CNNM2: variants seen among roughly 807,000 people sequenced by gnomAD.
CNNM2 encodes the protein cyclin and CBS domain divalent metal cation transport mediator 2.
In CNNM2, 12 loss-of-function variants were observed where a neutral mutation model predicts 66.9. That is an observed-to-expected ratio of 0.18 (90% CI 0.11 to 0.29). The LOEUF (loss-of-function observed/expected upper bound fraction) is 0.29, where lower values mean the gene tolerates loss of function less well. Among genes scored for constraint, CNNM2 ranks in the 10% least tolerant of loss-of-function variants. CNNM2 has a pLI of 1.00. For missense variants in CNNM2, 705 were observed against 1,167.7 expected (o/e 0.60, Z 5.77); for synonymous variants, 557 against 501.8 (o/e 1.11, Z -1.47).
intron 1 of CNNM2, among the ~76,000 whole-genome samples, chr10:103,002,278 A>G (rs996177531): frequency 2.0e-5 from 3 of 152,164 alleles, no homozygotes; most frequent in Non-Finnish European, 4.4e-5. Flanking sequence ...TAATAGTAAA[A>G]AGACAATCCA....
In CNNM2 at chr10:102,931,536, T is replaced by C. The variant is rs1257346517; in HGVS notation, c.1621+11435T>C. On this transcript the variant is annotated intron_variant, in intron 1 of 7. Transcript: ENST00000369878. ...CCACGGCCGGCTAATTTTGTATTTT[T>C]AGTAGAGACGGGGTTTCTCCATGTT... 6.6e-6 allele frequency among the ~76,000 whole-genome samples: 1 copy of C among 152,096 alleles called. No homozygotes were observed. The highest frequency in any genetic ancestry group is 1.5e-5 in the Non-Finnish European group (1 of 68,024).
At chr10:103,003,256 C>T (rs553602250) in intron 1 of CNNM2, among the ~76,000 whole-genome samples, 4 of 151,784 alleles carry the variant, frequency 2.6e-5, no homozygotes, top group East Asian at 3.9e-4. Flanking sequence ...TGGGATTACA[C>T]GCACGAGCCA....
intron 1 of CNNM2, among the ~76,000 whole-genome samples, chr10:102,989,867 G>A (rs1413326759): frequency 6.6e-6 from 1 of 151,800 alleles, no homozygotes; most frequent in Admixed American, 6.6e-5. Context: ...AGGGCTTCTA[G>A]TTCTTTAAAG....
intron 1 of CNNM2, among the ~76,000 whole-genome samples, chr10:103,005,241 T>C (rs2064202720): frequency 1.3e-5 from 2 of 152,146 alleles, no homozygotes; most frequent in Admixed American, 6.5e-5. Flanking sequence ...ATTTCTAGTT[T>C]TCTGTATAGA....
chr10:102,978,277 T>G (rs1055367092), intron 1 of CNNM2, among the ~76,000 whole-genome samples: 7 of 151,266 alleles, frequency 4.6e-5, no homozygotes, highest in African/African-American at 1.7e-4. Flanking sequence ...TGGACTCGAT[T>G]TTTTTTTTCC....
chr10:103,001,407 G>C (rs1403817466), intron 1 of CNNM2, among the ~76,000 whole-genome samples: 1 of 152,116 alleles, frequency 6.6e-6, no homozygotes, highest in African/African-American at 2.4e-5. Context: ...TGAAGACTCT[G>C]TGTTAGTGGC....
intron 1 of CNNM2, among the ~76,000 whole-genome samples, chr10:103,042,740 TCTGA>T (rs2065063737): frequency 6.6e-6 from 1 of 152,364 alleles, no homozygotes; most frequent in African/African-American, 2.4e-5. Context: ...CACTTGTAAA[TCTGA>T]CTAAATCCAA....
intron 4 of CNNM2, among the ~76,000 whole-genome samples, chr10:103,064,503 C>T (rs1415069875): frequency 6.6e-6 from 1 of 152,196 alleles, no homozygotes; most frequent in Non-Finnish European, 1.5e-5. Flanking sequence ...ACTGGGATTA[C>T]AGGTGTGAGC....
chr10:103,049,352 A>G (rs903858281), intron 1 of CNNM2, among the ~76,000 whole-genome samples: 8 of 152,322 alleles, frequency 5.3e-5, no homozygotes, highest in African/African-American at 9.6e-5. Context: ...TGGACCTCCT[A>G]TAAGGGTCTT....
At chr10:102,938,619 CAAAAAA>C (rs10596673) in intron 1 of CNNM2, among the ~76,000 whole-genome samples, 5 of 63,674 alleles carry the variant, frequency 7.9e-5, no homozygotes, top group Non-Finnish European at 1.4e-4. Context: ...GACCCTGTCT[CAAAAAA>C]AAAAAAAAAA....
intron 1 of CNNM2, among the ~76,000 whole-genome samples, chr10:103,017,279 C>T (rs745746831): frequency 6.6e-6 from 1 of 152,166 alleles, no homozygotes; most frequent in Non-Finnish European, 1.5e-5. Context: ...TGCATGAAGA[C>T]GTACGATGGA....
At chr10:103,015,083 G>A (rs1329389362) in intron 1 of CNNM2, among the ~76,000 whole-genome samples, 1 of 152,138 alleles carries the variant, frequency 6.6e-6, no homozygotes, top group African/African-American at 2.4e-5. Context: ...ACTCATGAGT[G>A]TAATGGTTAC....
Position 102,918,878 on chromosome 10 carries a change from G to T in CNNM2, c.398G>T (p.Arg133Leu). 1 of 1,608,038 alleles carries T rather than the reference G, an allele frequency of 6.2e-7. No individual in the cohort carries two copies. Among genetic ancestry groups the T allele is most frequent in the Non-Finnish European group, 8.5e-7 (1 of 1,177,192 alleles). The change falls in exon 1 of 8, where the codon CGC becomes CTC. Residue 133 changes from arginine (R) to leucine (L), a missense_variant. By Grantham distance (102) the Arg-to-Leu change is moderately radical (BLOSUM62 -2). This residue lies in a region of CNNM2 where 100 missense variants were observed against 151.9 expected (regional missense o/e 0.66). Transcript: ENST00000369878. The surrounding 1 kb of genome is among the most constrained non-coding windows in gnomAD (Gnocchi z 4.1). ...CGGCGGCGCCACAGCCCGGGGGAGC[G>T]CGGGCTGGGGGGCCCCGCGCCGCCA... ...HERRRHSPGE[R>L]GLGGPAPPEP...
rs149628790 is a variant in CNNM2, at chr10:102,968,756, C to T, written c.1621+48655C>T. Among the ~76,000 whole-genome samples, 26 of 151,944 alleles carry T rather than the reference C, an allele frequency of 1.7e-4. No individual in the cohort carries two copies. The East Asian group carries it at 2.3e-3, about 14-fold the overall frequency. The stretch of plus-strand genomic sequence containing the variant: ...GTAGCTGGGACTACATACAGGTGCA[C>T]GCCACCATGCCAGGCTAATTTTTTT... On this transcript the variant is annotated intron_variant, in intron 1 of 7. Transcript: ENST00000369878.
At chr10:103,017,141 A>T (rs2064468932) in intron 1 of CNNM2, among the ~76,000 whole-genome samples, 1 of 152,002 alleles carries the variant, frequency 6.6e-6, no homozygotes, top group Non-Finnish European at 1.5e-5. Context: ...AAGAACGTGG[A>T]TGTTTGTTTT....
intron 1 of CNNM2, among the ~76,000 whole-genome samples, chr10:102,960,384 G>A (rs1023293956): frequency 3.9e-5 from 6 of 152,074 alleles, no homozygotes; most frequent in African/African-American, 9.7e-5. Context: ...TTGTCATTAC[G>A]TTAATGTTAT....
At chr10:102,946,217 A>G (rs1333139864) in intron 1 of CNNM2, among the ~76,000 whole-genome samples, 1 of 152,176 alleles carries the variant, frequency 6.6e-6, no homozygotes, top group Non-Finnish European at 1.5e-5. Context: ...TTCTTAGGGC[A>G]GTCTCAAAGG....
In CNNM2 at chr10:102,970,441, G is replaced by A. The variant is rs149744534; in HGVS notation, c.1621+50340G>A. On this transcript the variant is annotated intron_variant, in intron 1 of 7. Coordinates refer to ENST00000369878, the MANE Select transcript of CNNM2 (RefSeq NM_017649.5). ...CCATGTCTGCTTTTGTGCTATAAGG[G>A]CAAGAGTAGGGTAGTTTCAGTAGAG... Among the ~76,000 whole-genome samples the A allele has an allele frequency of 7.3e-4, 111 of 152,300 alleles. 1 individual carries two copies. Among genetic ancestry groups the A allele is most frequent in the African/African-American group, 2.6e-3 (108 of 41,554 alleles).
At chr10:102,986,307 G>A (rs1266610413) in intron 1 of CNNM2, among the ~76,000 whole-genome samples, 1 of 152,030 alleles carries the variant, frequency 6.6e-6, no homozygotes, top group Non-Finnish European at 1.5e-5. Flanking sequence ...AGGCTGGAGT[G>A]CAGTGGTGTG....
Sources: allele counts gnomAD v4.1 joint callset (sites outside exome capture counted in the v4.1 genomes callset), GRCh38; gene constraint gnomAD v4.1.1; regional missense constraint gnomAD v4.1.1; non-coding constraint Gnocchi (gnomAD v3.1); transcripts MANE v1.5; gene names NCBI Gene and HGNC (gene_info 2026-07-23, HGNC 2026-07-21).